Variants in GLYATL2 observed in about 807,000 individuals in gnomAD.
GLYATL2 encodes the protein glycine-N-acyltransferase like 2.
GLYATL2 carries 25 observed loss-of-function variants against 21.4 expected under a neutral mutation model. The observed-to-expected ratio is 1.17, with a 90% CI of 0.85 to 1.63. The LOEUF (loss-of-function observed/expected upper bound fraction) is 1.63. GLYATL2 is among the 40% of genes most tolerant of loss of function. The probability of loss-of-function intolerance (pLI) is 0.00; values close to 1 mark genes in which losing one functional copy is unlikely to be tolerated. For synonymous variants in GLYATL2, 114 were observed against 118.2 expected (o/e 0.96, Z 0.23); for missense variants, 361 against 343.3 (o/e 1.05, Z -0.41).
At chr11:58,857,950 G>T (rs1212897879) in intron 1 of GLYATL2, among the ~76,000 whole-genome samples, 1 of 150,762 alleles carries the variant, frequency 6.6e-6, no homozygotes, top group African/African-American at 2.4e-5. Context: ...TCTTACTTGA[G>T]GAATTAGGTA....
intron 1 of GLYATL2, among the ~76,000 whole-genome samples, chr11:58,886,156 G>A (rs930259793): frequency 6.6e-6 from 1 of 152,180 alleles, no homozygotes; most frequent in Admixed American, 6.5e-5. Context: ...GGTCGAGGTT[G>A]CATTGAGCCA....
chr11:58,862,813 C>T (rs1207721708), intron 1 of GLYATL2, among the ~76,000 whole-genome samples: 2 of 115,200 alleles, frequency 1.7e-5, no homozygotes, highest in East Asian at 5.0e-4. Context: ...TCTTTAGGGT[C>T]AGCTATTGGT....
rs199979003 is a variant in GLYATL2 at position 58,837,042 on chromosome 11, T to G, written c.449A>C (p.Glu150Ala). ...KHKTSSNDKM[E>A]LFEVDDDNKE... ...GTTATCATCATCCACTTCAAATAAC[T>G]CCATCTTGTCATTACTTGAGGTCTT... Residue 150 changes from glutamate (E) to alanine (A), a missense_variant, in exon 5 of 6, where the codon GAG becomes GCG. By Grantham distance (107) the Glu-to-Ala change is moderately radical. Transcript: ENST00000287275. The G allele has an allele frequency of 1.9e-5, 30 of 1,613,234 alleles. No individual in the cohort carries two copies. The Admixed American group carries it at 4.2e-4, about 22-fold the overall frequency.
chr11:58,866,694 T>C (rs942999769), intron 1 of GLYATL2, among the ~76,000 whole-genome samples: 3 of 149,218 alleles, frequency 2.0e-5, no homozygotes, highest in Non-Finnish European at 4.5e-5. Context: ...AGTCTCTTGG[T>C]CAGTTCCCTG....
At chr11:58,872,015 T>C (rs949598112) in intron 1 of GLYATL2, among the ~76,000 whole-genome samples, 2 of 152,244 alleles carry the variant, frequency 1.3e-5, no homozygotes, top group Non-Finnish European at 2.9e-5. Context: ...GGTTTTGATT[T>C]GCATTTCTCT....
At position 58,834,791 on chromosome 11, in the gene GLYATL2, G is replaced by T. The variant is rs1261942617; in HGVS notation, c.523C>A (p.Leu175Ile). 6.2e-7 allele frequency: 1 copy of T among 1,611,386 alleles called. No individual in the cohort carries two copies. The highest frequency in any genetic ancestry group is 1.7e-5 in the Admixed American group (1 of 59,478). Reference sequence around the variant, plus strand: ...CCAAAGGCCCAGTGTTCATTCACAAGACCTGCATGTGAAGCATCTAAGAAC... The same window carrying T: ...CCAAAGGCCCAGTGTTCATTCACAATACCTGCATGTGAAGCATCTAAGAAC... ...NMFLDASHAGLVNEHWAFGKN... is the reference protein window; with the variant it reads ...NMFLDASHAGIVNEHWAFGKN... The change falls in exon 6 of 6, where the codon CTT becomes ATT. Residue 175 changes from leucine (L) to isoleucine (I), a missense_variant. Leu to Ile is a conservative substitution (Grantham distance 5). Coordinates refer to ENST00000287275, the MANE Select transcript of GLYATL2 (RefSeq NM_145016.4).
At chr11:58,897,441 T>A (rs1267387675) in intron 1 of GLYATL2, among the ~76,000 whole-genome samples, 2 of 152,076 alleles carry the variant, frequency 1.3e-5, no homozygotes, top group Non-Finnish European at 2.9e-5. Flanking sequence ...CCTATAAGGG[T>A]GCCAACCTTT....
intron 1 of GLYATL2, among the ~76,000 whole-genome samples, chr11:58,868,149 CTT>C (rs1009024575): frequency 1.3e-5 from 2 of 148,976 alleles, no homozygotes; most frequent in African/African-American, 4.8e-5. Flanking sequence ...CATAGGCAGA[CTT>C]GAGGCAGATT....
intron 1 of GLYATL2, among the ~76,000 whole-genome samples, chr11:58,882,679 T>C (rs1395499584): frequency 1.3e-5 from 2 of 152,252 alleles, no homozygotes; most frequent in African/African-American, 4.8e-5. Context: ...TGAATGGTAC[T>C]GCCTAGGTTT....
chr11:58,898,386 T>G (rs1854669942), intron 1 of GLYATL2, among the ~76,000 whole-genome samples: 1 of 152,198 alleles, frequency 6.6e-6, no homozygotes, highest in Non-Finnish European at 1.5e-5. Flanking sequence ...TCTTTAAAGC[T>G]TTTATTACAC....
chr11:58,898,369 G>T (rs189505273), intron 1 of GLYATL2, among the ~76,000 whole-genome samples: 5 of 152,150 alleles, frequency 3.3e-5, no homozygotes, highest in African/African-American at 4.8e-5. Flanking sequence ...TCTATTTAAA[G>T]AACCCTTCTT....
chr11:58,847,723 T>C (rs960623939), upstream of GLYATL2, among the ~76,000 whole-genome samples: 2 of 152,228 alleles, frequency 1.3e-5, no homozygotes, highest in African/African-American at 2.4e-5. Context: ...CCTTGACTTC[T>C]GGACAGCACA....
At chr11:58,890,685 A>C (rs1854527186) in intron 1 of GLYATL2, among the ~76,000 whole-genome samples, 3 of 152,054 alleles carry the variant, frequency 2.0e-5, no homozygotes, top group East Asian at 3.9e-4. Flanking sequence ...TTCTTTTATC[A>C]GTAAATATGT....
chr11:58,843,205 AT>A (rs1272148513), intron 1 of GLYATL2, among the ~76,000 whole-genome samples: 2 of 152,212 alleles, frequency 1.3e-5, no homozygotes, highest in African/African-American at 4.8e-5. Flanking sequence ...TTATTTTTGA[AT>A]GTCTGTTTCC....
chr11:58,876,383 C>T (rs1257994261), intron 1 of GLYATL2, among the ~76,000 whole-genome samples: 1 of 152,110 alleles, frequency 6.6e-6, no homozygotes, highest in Non-Finnish European at 1.5e-5. Context: ...TTAGAGTTTC[C>T]AGTTTTTCTG....
chr11:58,877,466 C>G (rs567483196), intron 1 of GLYATL2, among the ~76,000 whole-genome samples: 1 of 152,258 alleles, frequency 6.6e-6, no homozygotes, highest in South Asian at 2.1e-4. Flanking sequence ...ATGGGATCAC[C>G]AGGGGGAAGG....
chr11:58,854,360 G>T (rs1853791792), intron 1 of GLYATL2, among the ~76,000 whole-genome samples: 1 of 152,200 alleles, frequency 6.6e-6, no homozygotes, highest in South Asian at 2.1e-4. Context: ...TTCCAGTAAA[G>T]CAAGTCACAC....
At chr11:58,892,979 C>T (rs1488915497) in intron 1 of GLYATL2, 1 of 306,170 alleles carries the variant, frequency 3.3e-6, no homozygotes, top group Non-Finnish European at 6.4e-6. Flanking sequence ...AAATACGCAA[C>T]TTTGCAATGG....
upstream of GLYATL2, chr11:58,907,185 G>C (rs1854914836): frequency 2.2e-6 from 1 of 453,318 alleles, no homozygotes; most frequent in African/African-American, 2.0e-5. Context: ...GAATACTTTA[G>C]GGGAAACCTC....
Sources: allele counts gnomAD v4.1 joint callset (sites outside exome capture counted in the v4.1 genomes callset), GRCh38; gene constraint gnomAD v4.1.1; transcripts MANE v1.5; gene names NCBI Gene and HGNC (gene_info 2026-07-23, HGNC 2026-07-21).